Variants in SLC12A2 observed in about 807,000 individuals in gnomAD.
The protein encoded by SLC12A2 is Na-K-2Cl cotransporter 1.
A neutral mutation model predicts 136.3 loss-of-function variants in SLC12A2; 67 were observed. The ratio of observed to expected loss-of-function variants is 0.49; its 90% CI spans 0.40 to 0.60. The LOEUF (loss-of-function observed/expected upper bound fraction) is 0.60. Ranked by LOEUF, SLC12A2 falls within the 20% of genes least tolerant of loss-of-function variation. The pLI is 0.00. For synonymous variants in SLC12A2, 619 were observed against 562.9 expected, an observed-to-expected ratio of 1.10 and a Z score of -1.41; for missense variants, 1,322 against 1,534.7, an observed-to-expected ratio of 0.86 and a Z score of 2.32.
chr5:128,128,817 A>AC (rs1761909348), intron 4 of SLC12A2, among the ~76,000 whole-genome samples: 1 of 151,858 alleles, frequency 6.6e-6, no homozygotes, highest in African/African-American at 2.4e-5. Context: ...AAAAAAAAAA[A>AC]AAACCTCTAG....
chr5:128,110,100 G>A (rs1337231136), intron 1 of SLC12A2: 3 of 943,114 alleles, frequency 3.2e-6, no homozygotes, highest in South Asian at 2.6e-5. Flanking sequence ...GTCTCATGGT[G>A]AACATGTAGG....
intron 1 of SLC12A2, chr5:128,109,696 G>A: frequency 8.7e-7 from 1 of 1,151,178 alleles, no homozygotes; most frequent in Non-Finnish European, 1.3e-6. Flanking sequence ...AAGTCTTCCA[G>A]GTGAAAGTCC....
At chr5:128,131,496 A>C (rs1206412252) in intron 5 of SLC12A2, among the ~76,000 whole-genome samples, 1 of 151,242 alleles carries the variant, frequency 6.6e-6, no homozygotes, top group Non-Finnish European at 1.5e-5. Flanking sequence ...GATCGAGACC[A>C]TCCTGGCCAA....
Position 128,167,743 on chromosome 5 carries a change from A to T in SLC12A2, c.2617-18A>T. ...GAAAATAATATATCTGTAAAGTTAT[A>T]TTGACCCTATATTTTAGGCTGCTGG... On this transcript the variant is annotated intron_variant, in intron 17 of 26. Transcript: ENST00000262461. 6.6e-7 allele frequency: 1 copy of T among 1,511,398 alleles called. No homozygotes were observed. Among genetic ancestry groups the T allele is most frequent in the East Asian group, 2.3e-5 (1 of 43,992 alleles). 93.6% of individuals were successfully genotyped at this position (1,511,398 alleles called of 1,614,324 possible).
At chr5:128,177,815 T>C (rs1763581007) in intron 21 of SLC12A2, among the ~76,000 whole-genome samples, 1 of 152,168 alleles carries the variant, frequency 6.6e-6, no homozygotes, top group African/African-American at 2.4e-5. Flanking sequence ...ATGATAGTCA[T>C]TTGCTTGCTC....
intron 1 of SLC12A2, chr5:128,110,478 C>T (rs556050812): frequency 1.7e-5 from 24 of 1,387,274 alleles, no homozygotes; most frequent in South Asian, 1.2e-4. Flanking sequence ...AACTCATAGA[C>T]GCTGCTTTCA....
intron 4 of SLC12A2, among the ~76,000 whole-genome samples, chr5:128,128,323 A>G (rs953627154): frequency 3.9e-5 from 6 of 152,152 alleles, no homozygotes; most frequent in Non-Finnish European, 7.4e-5. Flanking sequence ...GATGTAATAA[A>G]GATGGAACTC....
intron 1 of SLC12A2, among the ~76,000 whole-genome samples, chr5:128,094,331 A>G (rs1581051465): frequency 6.6e-6 from 1 of 151,650 alleles, no homozygotes; most frequent in South Asian, 2.1e-4. Context: ...CCTACCTTAT[A>G]TCTGTTGTCT....
In SLC12A2 at chr5:128,138,648, T is replaced by A; in HGVS notation, c.1460T>A (p.Phe487Tyr). The change falls in exon 8 of 27, where the codon TTC (phenylalanine) becomes TAC (tyrosine). Residue 487 changes from phenylalanine (F) to tyrosine (Y), a missense_variant. By Grantham distance (22) the Phe-to-Tyr change is conservative. Transcript: ENST00000262461. ...FGPDFREEETFFSVFAIFFPA... is the reference protein window; with the variant it reads ...FGPDFREEETYFSVFAIFFPA... ...CCCGATTTTCGAGAGGAAGAGACTT[T>A]CTTTTCTGTATTTGCCATCTTTTTT... 6.2e-7 allele frequency: 1 copy of A among 1,613,684 alleles called. No individual in the cohort carries two copies. Among genetic ancestry groups the A allele is most frequent in the African/African-American group, 1.3e-5 (1 of 75,028 alleles).
chr5:128,120,083 A>T (rs1181844056), intron 4 of SLC12A2, among the ~76,000 whole-genome samples: 4 of 152,128 alleles, frequency 2.6e-5, no homozygotes, highest in Non-Finnish European at 5.9e-5. Context: ...GAAGACATTT[A>T]TGCAGCCAAA....
chr5:128,138,225 C>A (rs887737094), intron 7 of SLC12A2, among the ~76,000 whole-genome samples: 1 of 152,312 alleles, frequency 6.6e-6, no homozygotes, highest in Admixed American at 6.5e-5. Context: ...AGGCGTGAGG[C>A]ACCACGCCAT....
At chr5:128,093,749 C>T (rs1415182379) in intron 1 of SLC12A2, among the ~76,000 whole-genome samples, 2 of 152,018 alleles carry the variant, frequency 1.3e-5, no homozygotes, top group Non-Finnish European at 2.9e-5. Flanking sequence ...AAAGTAATGC[C>T]AAAAACCGCA....
At chr5:128,141,040 G>A (rs950592244) in intron 9 of SLC12A2, among the ~76,000 whole-genome samples, 2 of 152,122 alleles carry the variant, frequency 1.3e-5, no homozygotes, top group African/African-American at 2.4e-5. Context: ...AATCTTTAAA[G>A]TATAAGGAAT....
chr5:128,084,444 G>A lies in SLC12A2; in HGVS notation c.490G>A (p.Val164Ile). ...CCTGTCAGATGCTGCCGGGGTCGGA[G>A]TCGACGGGCCCAACGTGAGCTTCCA... ...DSLSDAAGVG[V>I]DGPNVSFQNG... The change falls in exon 1 of 27, where the codon GTC (valine) becomes ATC (isoleucine). Residue 164 changes from valine to isoleucine, a missense_variant. Val to Ile is a conservative substitution (Grantham distance 29). Transcript: ENST00000262461. The surrounding 1 kb of genome is among the most constrained non-coding windows in gnomAD (Gnocchi z 5.6). 6.2e-7 allele frequency: 1 copy of A among 1,612,726 alleles called. No individual in the cohort carries two copies. The highest frequency in any genetic ancestry group is 8.5e-7 in the Non-Finnish European group (1 of 1,179,538).
chr5:128,099,120 C>T lies in SLC12A2; in HGVS notation c.757-13694C>T, dbSNP rs189957566. ...GCACATACAGTCGTATGTTGCTTGA[C>T]AACTGGGATACTTTAGAGAAACACA... On this transcript the variant is annotated intron_variant, in intron 1 of 26. Transcript: ENST00000262461. Among the ~76,000 whole-genome samples the T allele has an allele frequency of 2.4e-3, 368 of 152,196 alleles. 1 individual carries two copies. The highest frequency in any genetic ancestry group is 3.6e-3 in the Non-Finnish European group (248 of 68,020).
chr5:128,131,841 A>C (rs1762034142), intron 5 of SLC12A2, among the ~76,000 whole-genome samples: 1 of 152,070 alleles, frequency 6.6e-6, no homozygotes, highest in African/African-American at 2.4e-5. Flanking sequence ...CCCGGTCTCT[A>C]CTAAAAATAA....
chr5:128,108,087 A>G (rs1761012716), intron 1 of SLC12A2, among the ~76,000 whole-genome samples: 1 of 151,986 alleles, frequency 6.6e-6, no homozygotes, highest in Non-Finnish European at 1.5e-5. Flanking sequence ...TACTTCTAAC[A>G]AGTTTAACCG....
At chr5:128,179,064 G>A (rs1280476152) in intron 22 of SLC12A2, among the ~76,000 whole-genome samples, 1 of 152,178 alleles carries the variant, frequency 6.6e-6, no homozygotes, top group African/African-American at 2.4e-5. Flanking sequence ...CTCATCAGGT[G>A]GCACAGGATG....
chr5:128,149,473 A>G (rs1467024647), intron 12 of SLC12A2, among the ~76,000 whole-genome samples: 2 of 151,908 alleles, frequency 1.3e-5, no homozygotes, highest in Middle Eastern at 3.4e-3. Context: ...ACTTGTATAT[A>G]TACTTAAAGA....
Sources: gnomAD v4.1 joint callset for allele counts (sites outside exome capture counted in the v4.1 genomes callset) on GRCh38, gnomAD v4.1.1 for gene constraint, Gnocchi (gnomAD v3.1) non-coding constraint, MANE v1.5 for transcripts, NCBI Gene and HGNC (gene_info 2026-07-23, HGNC 2026-07-21) for gene names.